ZNF276: variants seen among roughly 807,000 people sequenced by gnomAD.
The protein encoded by ZNF276 is centromere protein Z.
A neutral mutation model predicts 63.9 loss-of-function variants in ZNF276; 59 were observed. The observed-to-expected ratio is 0.92, with a 90% CI of 0.75 to 1.15. ZNF276 has a LOEUF of 1.15. Among genes scored for constraint, ZNF276 ranks in the 50% most tolerant of loss-of-function variants. The pLI is 0.00. For synonymous variants in ZNF276, 496 were observed against 348.4 expected (o/e 1.42, Z -4.72); for missense variants, 1,084 against 843.8 (o/e 1.28, Z -3.53).
intron 9 of ZNF276, among the ~76,000 whole-genome samples, chr16:89,736,453 T>C (rs2061895757): frequency 1.3e-5 from 2 of 151,682 alleles, no homozygotes; most frequent in Admixed American, 6.6e-5. Flanking sequence ...GCCTCCCGAG[T>C]AGCTGGGACT....
rs187792766 is a variant in ZNF276, at chr16:89,739,060, G to A, written c.*814G>A. On this transcript the variant is annotated 3_prime_UTR_variant, in exon 11 of 11. Coordinates refer to ENST00000443381, the MANE Select transcript of ZNF276 (RefSeq NM_001113525.2). ...CCCCCATAGTCTGCATGCTGTGCCG[G>A]AACATTCTTTGGCAGAAGGAGCCTC... 4.5e-5 allele frequency: 72 copies of A among 1,613,800 alleles called. No homozygotes were observed. Among genetic ancestry groups the A allele is most frequent in the Admixed American group, 6.7e-5 (4 of 60,026 alleles).
At chr16:89,720,655 C>T, upstream of ZNF276, 3 of 1,234,522 alleles carry the variant, frequency 2.4e-6, no homozygotes, top group Middle Eastern at 3.2e-4. Flanking sequence ...CGGCTGGCGC[C>T]CGCTCCCAAG....
rs915634612 is a variant in ZNF276, at chr16:89,739,733, G to C, written c.*1487G>C. ...GTCAGCAGCTGGGAGAGGATGGGGGGGTCGACCTCTTGCAGGAGGGTGGGT... is the reference window on the plus strand; with the variant it reads ...GTCAGCAGCTGGGAGAGGATGGGGGCGTCGACCTCTTGCAGGAGGGTGGGT... On this transcript the variant is annotated 3_prime_UTR_variant, in exon 11 of 11. Coordinates refer to ENST00000443381, the MANE Select transcript of ZNF276 (RefSeq NM_001113525.2). 5 of 1,496,262 alleles carry C rather than the reference G, an allele frequency of 3.3e-6. No individual in the cohort carries two copies. Among genetic ancestry groups the C allele is most frequent in the Middle Eastern group, 2.1e-4 (1 of 4,794 alleles). The allele number at this position is 1,496,262 out of a possible 1,614,324, so 92.7% of individuals were successfully genotyped here. A position where few individuals can be genotyped will look rare whatever the true frequency, so the allele number is the denominator to read the frequency against.
Position 89,727,377 on chromosome 16 carries a change from A to T in ZNF276, c.1085+20A>T, listed in dbSNP as rs768691687. 3 of 1,610,318 alleles carry T rather than the reference A, an allele frequency of 1.9e-6. No individual in the cohort carries two copies. The African/African-American group carries it at 4.0e-5, about 22-fold the overall frequency. On this transcript the variant is annotated intron_variant, in intron 5 of 10. Coordinates refer to ENST00000443381, the MANE Select transcript of ZNF276 (RefSeq NM_001113525.2). ...TGAGGGGTGAGAGAAGAGTGGGTTT[A>T]AACAGCCTAAAATTTCTCCTTCAAA...
intron 2 of ZNF276, 60 bp from the exon 3 acceptor site, chr16:89,723,077 G>T: frequency 6.2e-7 from 1 of 1,612,230 alleles, no homozygotes; most frequent in Non-Finnish European, 8.5e-7. Flanking sequence ...GGTCCCGTAC[G>T]ACGAGCGCTG....
intron 9 of ZNF276, among the ~76,000 whole-genome samples, chr16:89,737,182 C>G (rs1006809735): frequency 2.6e-5 from 4 of 152,166 alleles, no homozygotes; most frequent in Non-Finnish European, 5.9e-5. Context: ...ACAGCCATAG[C>G]TGTGACAATC....
chr16:89,725,605 C>T (rs1395926273), intron 4 of ZNF276, among the ~76,000 whole-genome samples: 3 of 151,922 alleles, frequency 2.0e-5, no homozygotes, highest in Non-Finnish European at 4.4e-5. Flanking sequence ...TCCTGACTAA[C>T]ACGGTGAAAC....
In ZNF276 at chr16:89,740,756, C is replaced by G; in HGVS notation, c.*2510C>G. On this transcript the variant is annotated 3_prime_UTR_variant, in exon 11 of 11. Transcript: ENST00000443381. ...GAAGCTGGCTGCCTGGTGCCCCTGC[C>G]TGGCCCACAGTGGGAGAGGACACCT... is the stretch of plus-strand genomic sequence containing the variant. 3 of 1,562,500 alleles carry G rather than the reference C, an allele frequency of 1.9e-6. No homozygotes were observed. Among genetic ancestry groups the G allele is most frequent in the Non-Finnish European group, 2.6e-6 (3 of 1,136,120 alleles).
intron 6 of ZNF276, chr16:89,733,034 CCTG>C: frequency 2.1e-6 from 1 of 472,234 alleles, no homozygotes; most frequent in South Asian, 2.1e-5. Flanking sequence ...TTGCCCTGAC[CCTG>C]CTGTACCCTG....
intron 6 of ZNF276, chr16:89,732,222 G>T (rs922638094): frequency 6.6e-6 from 1 of 152,254 alleles, no homozygotes; most frequent in Non-Finnish European, 1.5e-5. Flanking sequence ...TGGTCCCTCA[G>T]GGACTTGCCA....
rs1034934738 is a variant in ZNF276 at position 89,722,382 on chromosome 16, C to T, written c.206-149C>T. 9 of 877,018 alleles carry T rather than the reference C, an allele frequency of 1.0e-5. No individual in the cohort carries two copies. In the African/African-American group the frequency reaches 1.5e-4, roughly 15 times the overall value. The allele number at this position is 877,018 out of a possible 1,614,324, so 54.3% of individuals were successfully genotyped here. A position where few individuals can be genotyped will look rare whatever the true frequency, so the allele number is the denominator to read the frequency against. On this transcript the variant is annotated intron_variant, in intron 1 of 10. Coordinates refer to ENST00000443381, the MANE Select transcript of ZNF276 (RefSeq NM_001113525.2). ...ACATCCCCCACAGGGCGGCTTGTCC[C>T]GCCGAGAGCCGCGCGCCCGAGCCGC...
rs771957724 is a variant in ZNF276, at chr16:89,739,013, T to C, written c.*767T>C. 3.7e-5 allele frequency: 59 copies of C among 1,613,930 alleles called. No individual in the cohort carries two copies. Among genetic ancestry groups the C allele is most frequent in the Non-Finnish European group, 4.8e-5 (57 of 1,180,010 alleles). The stretch of plus-strand genomic sequence containing the variant: ...AGGCAAACTCACAGGTTAGAAGACA[T>C]ACAGAAACAGGGCTGGTGTGTCCCC... On this transcript the variant is annotated 3_prime_UTR_variant, in exon 11 of 11. Coordinates refer to ENST00000443381, the MANE Select transcript of ZNF276 (RefSeq NM_001113525.2).
chr16:89,720,855 C>T, upstream of ZNF276: 2 of 1,406,834 alleles, frequency 1.4e-6, no homozygotes, highest in South Asian at 1.5e-5. Context: ...CCGGCCGCAG[C>T]GGCCATGGCG....
intron 9 of ZNF276, among the ~76,000 whole-genome samples, chr16:89,737,207 C>A (rs920653050): frequency 2.6e-5 from 4 of 152,174 alleles, no homozygotes; most frequent in African/African-American, 7.2e-5. Flanking sequence ...TTCTATACAA[C>A]CTTAGTGATA....
Position 89,739,997 on chromosome 16 carries a change from T to A in ZNF276, c.*1751T>A. Reference sequence around the variant, plus strand: ...GCCTCAGCAGCGTGTTTCTTACCACTCTCTGTCAACTGAAAGAGTGCCAGC... The same window carrying A: ...GCCTCAGCAGCGTGTTTCTTACCACACTCTGTCAACTGAAAGAGTGCCAGC... On this transcript the variant is annotated 3_prime_UTR_variant, in exon 11 of 11. Transcript: ENST00000443381. The A allele has an allele frequency of 1.9e-6, 3 of 1,614,156 alleles. No homozygotes were observed. Among genetic ancestry groups the A allele is most frequent in the South Asian group, 2.2e-5 (2 of 91,088 alleles).
At chr16:89,728,662 A>G (rs1220856079) in intron 5 of ZNF276, among the ~76,000 whole-genome samples, 2 of 151,990 alleles carry the variant, frequency 1.3e-5, no homozygotes, top group African/African-American at 2.4e-5. Flanking sequence ...TCTGCCTCCC[A>G]AAGTGCTGGG....
intron 4 of ZNF276, among the ~76,000 whole-genome samples, chr16:89,725,001 G>A (rs1597973751): frequency 1.3e-5 from 2 of 152,266 alleles, no homozygotes; most frequent in East Asian, 3.9e-4. Flanking sequence ...GCTGGAGTGC[G>A]GTGGTGCCAT....
intron 5 of ZNF276, among the ~76,000 whole-genome samples, chr16:89,728,812 C>T (rs1276617230): frequency 6.6e-6 from 1 of 152,216 alleles, no homozygotes; most frequent in Non-Finnish European, 1.5e-5. Flanking sequence ...GCTGGGATTA[C>T]AGGAGTTAGC....
rs1555531665 is a variant in ZNF276, at chr16:89,736,795, C to CAAAAGAAA, written c.1475-1007_1475-1006insGAAAAAAA. 8.3e-5 allele frequency among the ~76,000 whole-genome samples: 6 copies of CAAAAGAAA among 72,486 alleles called. No individual in the cohort carries two copies. In the East Asian group the frequency reaches 4.6e-3, roughly 55 times the overall value. 47.6% of individuals were successfully genotyped at this position (72,486 alleles called of 152,430 possible). On this transcript the variant is annotated intron_variant, in intron 9 of 10. Transcript: ENST00000443381. ...GGGCAACAGAGCAAGACCCTGTCTC[C>CAAAAGAAA]AAAAAAAAAAAAAAAAAAAGAATCC...
Sources: gnomAD v4.1 joint callset for allele counts (sites outside exome capture counted in the v4.1 genomes callset) on GRCh38, gnomAD v4.1.1 for gene constraint, MANE v1.5 for transcripts, NCBI Gene and HGNC (gene_info 2026-07-23, HGNC 2026-07-21) for gene names.